TMEM131: variants seen among roughly 807,000 people sequenced by gnomAD.
TMEM131 encodes the protein transmembrane protein 131.
TMEM131 carries 66 observed loss-of-function variants against 211.6 expected under a neutral mutation model. The observed-to-expected ratio is 0.31, with a 90% CI of 0.26 to 0.38. The LOEUF (loss-of-function observed/expected upper bound fraction) is 0.38, where lower values mean the gene tolerates loss of function less well. Ranked by LOEUF, TMEM131 falls within the 10% of genes least tolerant of loss-of-function variation. The pLI is 1.00. For missense variants in TMEM131, 2,036 were observed against 2,299.3 expected (o/e 0.89, Z 2.34); for synonymous variants, 844 against 841.3 (o/e 1.00, Z -0.06).
intron 4 of TMEM131, among the ~76,000 whole-genome samples, chr2:97,884,833 G>C (rs941436467): frequency 3.3e-5 from 5 of 152,186 alleles, no homozygotes; most frequent in African/African-American, 1.2e-4. Context: ...GTTTCTTACA[G>C]GCAGTATATA....
intron 1 of TMEM131, among the ~76,000 whole-genome samples, chr2:97,967,893 GTT>G (rs376573578): frequency 7.0e-6 from 1 of 142,816 alleles, no homozygotes; most frequent in Non-Finnish European, 1.5e-5. Flanking sequence ...TTTTTAGGTT[GTT>G]TTTTTTTTTG....
chr2:97,952,642 C>T (rs559751436), intron 1 of TMEM131, among the ~76,000 whole-genome samples: 4 of 152,110 alleles, frequency 2.6e-5, no homozygotes, highest in East Asian at 1.9e-4. Flanking sequence ...TTTGGGAGGC[C>T]GAGGCGGGAG....
chr2:97,802,615 T>C (rs953777907), intron 23 of TMEM131, 37 bp downstream of exon 23: 10 of 1,608,048 alleles, frequency 6.2e-6, no homozygotes, highest in African/African-American at 1.3e-5. Flanking sequence ...AATCCTAGTA[T>C]GTATTTCCAA....
intron 3 of TMEM131, among the ~76,000 whole-genome samples, chr2:97,891,388 C>G (rs930641499): frequency 6.6e-6 from 1 of 152,148 alleles, no homozygotes; most frequent in Admixed American, 6.5e-5. Context: ...CTGGGCTCAC[C>G]CTTTGACAAT....
chr2:97,900,812 T>C (rs1174983366), intron 3 of TMEM131, among the ~76,000 whole-genome samples: 1 of 152,178 alleles, frequency 6.6e-6, no homozygotes, highest in East Asian at 1.9e-4. Flanking sequence ...ATAATACCTA[T>C]ACTAATTTAC....
intron 7 of TMEM131, 105 bp downstream of exon 7, chr2:97,841,710 C>A: frequency 7.6e-7 from 1 of 1,312,624 alleles, no homozygotes; most frequent in Admixed American, 3.3e-5. Flanking sequence ...CTATAAAACC[C>A]TATTATTTTA....
intron 2 of TMEM131, among the ~76,000 whole-genome samples, chr2:97,917,544 G>T (rs1185927065): frequency 1.3e-5 from 2 of 152,170 alleles, no homozygotes. Context: ...CCAAGACTGG[G>T]TAATTAATTC....
chr2:97,913,806 C>T (rs1297299571), intron 2 of TMEM131, among the ~76,000 whole-genome samples: 1 of 152,252 alleles, frequency 6.6e-6, no homozygotes, highest in South Asian at 2.1e-4. Flanking sequence ...GTACAGGCAG[C>T]ACATGCACAC....
At chr2:97,826,612 CAGAGAGAAAGAGAAACAGTG>C (rs1682397537) in intron 11 of TMEM131, among the ~76,000 whole-genome samples, 1 of 131,078 alleles carries the variant, frequency 7.6e-6, no homozygotes, top group Non-Finnish European at 1.8e-5. Flanking sequence ...AAGAGGAAGT[CAGAGAGAAAGAGAAACAGTG>C]AGAGAGGGGA....
At chr2:97,878,355 T>C (rs1674782289) in intron 4 of TMEM131, among the ~76,000 whole-genome samples, 1 of 152,216 alleles carries the variant, frequency 6.6e-6, no homozygotes, top group Non-Finnish European at 1.5e-5. Context: ...ACTGGGTATA[T>C]ACCCAAAGGA....
chr2:97,907,188 A>G (rs1291839323), intron 3 of TMEM131: 3 of 152,224 alleles, frequency 2.0e-5, no homozygotes, highest in Admixed American at 6.5e-5. Context: ...GAATCAGGCT[A>G]AACATGCAGT....
At chr2:97,942,423 T>C (rs1400473221) in intron 1 of TMEM131, among the ~76,000 whole-genome samples, 5 of 150,414 alleles carry the variant, frequency 3.3e-5, no homozygotes, top group Non-Finnish European at 5.9e-5. Context: ...CATGTATACA[T>C]ATGTAACAAA....
At chr2:97,993,900 T>A (rs989780804) in intron 1 of TMEM131, among the ~76,000 whole-genome samples, 1 of 152,166 alleles carries the variant, frequency 6.6e-6, no homozygotes, top group African/African-American at 2.4e-5. Flanking sequence ...TCAGCAGCAG[T>A]AGAAGGAAAA....
In TMEM131 at chr2:97,757,419, G is replaced by A. The variant is rs755296222; in HGVS notation, c.5368-36C>T. ...ACAGAAAGCGTCCAGCACTGAGCCC[G>A]GCAGGCAGAGGGTCAAGTGGGTAAG... On this transcript the variant is annotated intron_variant, in intron 40 of 40. Coordinates refer to ENST00000186436, the MANE Select transcript of TMEM131 (RefSeq NM_015348.2). 103 of 1,540,174 alleles carry A rather than the reference G, an allele frequency of 6.7e-5. 1 individual carries two copies. The highest frequency in any genetic ancestry group is 1.5e-4 in the Admixed American group (8 of 51,778).
chr2:97,977,800 G>A (rs1681661236), intron 1 of TMEM131, among the ~76,000 whole-genome samples: 1 of 152,124 alleles, frequency 6.6e-6, no homozygotes, highest in South Asian at 2.1e-4. Flanking sequence ...TCTTGAAACA[G>A]CAATGGGCCA....
At chr2:97,802,392 C>A in intron 24 of TMEM131, 36 bp downstream of exon 24, 1 of 1,441,500 alleles carries the variant, frequency 6.9e-7, no homozygotes. Context: ...TTCAATACTA[C>A]ATAGAAACAC....
chr2:97,797,147 T>A (rs942754571), intron 26 of TMEM131, among the ~76,000 whole-genome samples, 161 bp from the exon 27 acceptor site: 10 of 152,240 alleles, frequency 6.6e-5, no homozygotes, highest in Non-Finnish European at 1.0e-4. Flanking sequence ...AAGAGCAAGT[T>A]TTTATTTTTA....
intron 11 of TMEM131, among the ~76,000 whole-genome samples, chr2:97,823,631 A>T (rs1432063910): frequency 6.6e-6 from 1 of 152,144 alleles, no homozygotes; most frequent in Non-Finnish European, 1.5e-5. Flanking sequence ...TGGGATCTAG[A>T]CTCAAGATCA....
intron 4 of TMEM131, among the ~76,000 whole-genome samples, chr2:97,884,249 G>C (rs6751727): frequency 0.35 from 52,519 of 151,944 alleles, 9,979 homozygotes; most frequent in Middle Eastern, 0.48. Flanking sequence ...TCTTGTTATC[G>C]ATTTCTAGTT....
Sources: gnomAD v4.1 joint callset for allele counts (sites outside exome capture counted in the v4.1 genomes callset) on GRCh38, gnomAD v4.1.1 for gene constraint, MANE v1.5 for transcripts, NCBI Gene and HGNC (gene_info 2026-07-23, HGNC 2026-07-21) for gene names.